FTCDNL1: variants seen among roughly 807,000 people sequenced by gnomAD.
The protein encoded by FTCDNL1 is formiminotransferase cyclodeaminase N-terminal like.
Under a neutral mutation model 5.9 loss-of-function variants are expected in FTCDNL1, and 11 were observed. The ratio of observed to expected loss-of-function variants is 1.87; its 90% CI spans 1.18 to 3.10. FTCDNL1 has a LOEUF of 3.10. Ranked by LOEUF, FTCDNL1 falls within the 30% of genes most tolerant of loss-of-function variation. The pLI is 0.00. For missense variants in FTCDNL1, 115 were observed against 65.5 expected (o/e 1.76, Z -2.61); for synonymous variants, 58 against 24.8 (o/e 2.34, Z -3.99).
chr2:199,716,715 G>T, the FTCDNL1 span, among the ~76,000 whole-genome samples: 4 of 152,218 alleles, frequency 2.6e-5, no homozygotes, highest in Non-Finnish European at 5.9e-5. Flanking sequence ...TGGGAAAATT[G>T]GTGGGCTTAC....
At chr2:199,670,131 T>G in the FTCDNL1 span, among the ~76,000 whole-genome samples, 4 of 152,232 alleles carry the variant, frequency 2.6e-5, no homozygotes, top group African/African-American at 9.6e-5. Context: ...CTGTTTTCCT[T>G]TTTTGAGACA....
intron 3 of FTCDNL1, among the ~76,000 whole-genome samples, chr2:199,799,108 C>T (rs1489967606): frequency 6.6e-6 from 1 of 152,102 alleles, no homozygotes; most frequent in Non-Finnish European, 1.5e-5. Context: ...GGAATTTGGC[C>T]CCTTTCCAAT....
chr2:199,807,614 G>A (rs777468655), downstream of FTCDNL1, among the ~76,000 whole-genome samples: 7 of 152,124 alleles, frequency 4.6e-5, no homozygotes, highest in African/African-American at 1.7e-4. Flanking sequence ...TCCAACCTGG[G>A]TAACAGAATG....
At chr2:199,786,726 C>T (rs1040115366) in intron 3 of FTCDNL1, among the ~76,000 whole-genome samples, 3 of 152,160 alleles carry the variant, frequency 2.0e-5, no homozygotes, top group South Asian at 2.1e-4. Flanking sequence ...TGTTAGCCGG[C>T]GATCAGTGTT....
At chr2:199,678,739 G>T in the FTCDNL1 span, among the ~76,000 whole-genome samples, 1 of 151,832 alleles carries the variant, frequency 6.6e-6, no homozygotes, top group African/African-American at 2.4e-5. Flanking sequence ...TGTTCAGTTG[G>T]CATTTTATTG....
chr2:199,791,047 G>T (rs781281260), intron 3 of FTCDNL1, among the ~76,000 whole-genome samples: 1 of 152,104 alleles, frequency 6.6e-6, no homozygotes, highest in Non-Finnish European at 1.5e-5. Context: ...TGGAAGCAAA[G>T]TGATTAAATT....
intron 3 of FTCDNL1, among the ~76,000 whole-genome samples, chr2:199,768,312 T>TATTC (rs137997637): frequency 6.6e-6 from 1 of 151,644 alleles, no homozygotes; most frequent in African/African-American, 2.4e-5. Flanking sequence ...ATGAGCTTCT[T>TATTC]ATAAGAACAC....
At chr2:199,828,958 C>T (rs1702197751) in intron 3 of FTCDNL1, among the ~76,000 whole-genome samples, 1 of 152,160 alleles carries the variant, frequency 6.6e-6, no homozygotes, top group East Asian at 1.9e-4. Context: ...GATCAATTTT[C>T]CACAGTCGTG....
chr2:199,766,792 T>C (rs143188196), intron 3 of FTCDNL1, among the ~76,000 whole-genome samples: 129 of 152,296 alleles, frequency 8.5e-4, no homozygotes, highest in African/African-American at 3.0e-3. Flanking sequence ...ATATGTCCGA[T>C]TTAATTGCCC....
At chr2:199,677,509 A>C in the FTCDNL1 span, among the ~76,000 whole-genome samples, 3 of 152,308 alleles carry the variant, frequency 2.0e-5, no homozygotes, top group African/African-American at 4.8e-5. Flanking sequence ...AGATTTGAAA[A>C]GTAGTTTAGA....
chr2:199,827,558 T>C (rs1330034196), intron 3 of FTCDNL1, among the ~76,000 whole-genome samples: 2 of 152,140 alleles, frequency 1.3e-5, no homozygotes, highest in Non-Finnish European at 2.9e-5. Flanking sequence ...AGATGTATAT[T>C]AATTATGAAG....
At chr2:199,781,865 C>T (rs13015748) in intron 3 of FTCDNL1, among the ~76,000 whole-genome samples, 68,156 of 151,890 alleles carry the variant, frequency 0.45, 17,438 homozygotes, top group Non-Finnish European at 0.56. Context: ...CTGCAAGCTC[C>T]GCCTCCCGGG....
chr2:199,820,188 G>A (rs1178576213), intron 3 of FTCDNL1, among the ~76,000 whole-genome samples: 1 of 152,106 alleles, frequency 6.6e-6, no homozygotes, highest in Non-Finnish European at 1.5e-5. Context: ...GGAGGGCAAG[G>A]GCCAGTAACC....
At chr2:199,797,677 T>A (rs575096022) in intron 3 of FTCDNL1, among the ~76,000 whole-genome samples, 1 of 152,340 alleles carries the variant, frequency 6.6e-6, no homozygotes, top group African/African-American at 2.4e-5. Flanking sequence ...TTCCAAAACA[T>A]AAATTCTGCA....
the FTCDNL1 span, among the ~76,000 whole-genome samples, chr2:199,682,547 T>C: frequency 6.6e-6 from 1 of 152,212 alleles, no homozygotes; most frequent in South Asian, 2.1e-4. Context: ...CTCTCATATT[T>C]TACATACTGT....
intron 4 of FTCDNL1, among the ~76,000 whole-genome samples, chr2:199,814,334 C>T (rs1701221559): frequency 6.6e-6 from 1 of 152,192 alleles, no homozygotes; most frequent in Admixed American, 6.5e-5. Flanking sequence ...GTGAGAACCA[C>T]GTGCCACAGG....
At chr2:199,697,102 C>T in the FTCDNL1 span, among the ~76,000 whole-genome samples, 1 of 152,076 alleles carries the variant, frequency 6.6e-6, no homozygotes. Flanking sequence ...GAAACCCCAT[C>T]TCTACTAAAA....
the FTCDNL1 span, among the ~76,000 whole-genome samples, chr2:199,718,134 TAA>T: frequency 2.0e-5 from 3 of 152,272 alleles, no homozygotes; most frequent in African/African-American, 7.2e-5. Context: ...CGTGTAGTGG[TAA>T]AGTCTGGGTT....
the FTCDNL1 span, among the ~76,000 whole-genome samples, chr2:199,716,997 G>A: frequency 6.6e-6 from 1 of 152,084 alleles, no homozygotes; most frequent in South Asian, 2.1e-4. Context: ...CGGAGTGTTA[G>A]GTGTCAGAGT....
Sources: allele counts gnomAD v4.1 joint callset (sites outside exome capture counted in the v4.1 genomes callset), GRCh38; gene constraint gnomAD v4.1.1; transcripts MANE v1.5; gene names NCBI Gene and HGNC (gene_info 2026-07-23, HGNC 2026-07-21).